DAB1: variants seen among roughly 807,000 people sequenced by gnomAD.
DAB1 encodes the protein disabled homolog 1.
Under a neutral mutation model 64.6 loss-of-function variants are expected in DAB1, and 15 were observed. That is an observed-to-expected ratio of 0.23 (90% CI 0.16 to 0.36). The LOEUF (loss-of-function observed/expected upper bound fraction) is 0.36. Among genes scored for constraint, DAB1 ranks in the 10% least tolerant of loss-of-function variants. DAB1 has a pLI of 1.00. For missense variants in DAB1, 596 were observed against 706.7 expected (o/e 0.84, Z 1.78); for synonymous variants, 235 against 251.9 (o/e 0.93, Z 0.64).
At chr1:57,422,590 C>A (rs890586312) in intron 1 of DAB1, among the ~76,000 whole-genome samples, 3 of 151,534 alleles carry the variant, frequency 2.0e-5, no homozygotes, top group African/African-American at 7.3e-5. Context: ...CCACTCCGCC[C>A]GCCGCCAAGA....
chr1:58,453,230 G>A (rs1238393236), intron 3 of DAB1, among the ~76,000 whole-genome samples: 2 of 152,134 alleles, frequency 1.3e-5, no homozygotes, highest in African/African-American at 2.4e-5. Flanking sequence ...AGGTGGGGGA[G>A]TGTGAAGCAC....
At chr1:57,542,678 G>GA (rs1262030395) in intron 7 of DAB1, among the ~76,000 whole-genome samples, 1 of 152,006 alleles carries the variant, frequency 6.6e-6, no homozygotes, top group Non-Finnish European at 1.5e-5. Context: ...AGGATGCTCA[G>GA]TTTTTCATTC....
At chr1:58,473,775 C>G (rs1217117592) in intron 3 of DAB1, 3 of 534,968 alleles carry the variant, frequency 5.6e-6, no homozygotes, top group East Asian at 6.8e-5. Context: ...ATCTCCAGAA[C>G]AGTCTGACCC....
At chr1:57,668,858 A>T (rs1421525055) in intron 6 of DAB1, among the ~76,000 whole-genome samples, 2 of 151,846 alleles carry the variant, frequency 1.3e-5, no homozygotes, top group African/African-American at 4.8e-5. Context: ...GGGTGTGAGA[A>T]CTCTATTATA....
At chr1:58,371,678 T>A (rs2100535436) in intron 3 of DAB1, among the ~76,000 whole-genome samples, 1 of 152,240 alleles carries the variant, frequency 6.6e-6, no homozygotes, top group East Asian at 1.9e-4. Flanking sequence ...GAAAAATGGT[T>A]TTGTGGGCTG....
At chr1:57,201,037 G>A (rs1178838114) in intron 2 of DAB1, among the ~76,000 whole-genome samples, 1 of 152,176 alleles carries the variant, frequency 6.6e-6, no homozygotes, top group Non-Finnish European at 1.5e-5. Context: ...CATTGGGCTT[G>A]ATGCATTACA....
intron 9 of DAB1, among the ~76,000 whole-genome samples, chr1:57,041,508 T>C (rs894440379): frequency 2.0e-5 from 3 of 152,224 alleles, no homozygotes; most frequent in Non-Finnish European, 4.4e-5. Context: ...ACCAACTTCA[T>C]GTGAATAGCC....
At chr1:57,492,377 G>A (rs1009281359) in intron 7 of DAB1, among the ~76,000 whole-genome samples, 1 of 152,132 alleles carries the variant, frequency 6.6e-6, no homozygotes, top group African/African-American at 2.4e-5. Flanking sequence ...GGATAATAAC[G>A]TCAGGATTTG....
chr1:57,695,385 AAAGAAAGAAAGAAAGAAAG>A (rs1646826771), intron 6 of DAB1, among the ~76,000 whole-genome samples: 1 of 74,228 alleles, frequency 1.3e-5, no homozygotes, highest in Admixed American at 1.4e-4. Context: ...AGAAAGAAAG[AAAGAAAGAAAGAAAGAAAG>A]AAAGAAAGAA....
At chr1:57,289,454 T>G (rs1334445447) in intron 2 of DAB1, among the ~76,000 whole-genome samples, 2 of 152,214 alleles carry the variant, frequency 1.3e-5, no homozygotes, top group African/African-American at 4.8e-5. Flanking sequence ...CCCACTTACT[T>G]TCTTTCTATT....
intron 7 of DAB1, among the ~76,000 whole-genome samples, chr1:57,437,782 C>T (rs888858740): frequency 3.1e-4 from 47 of 152,104 alleles, no homozygotes; most frequent in Admixed American, 1.2e-3. Flanking sequence ...ATTTTGGAAC[C>T]GTTATCACAT....
At chr1:57,959,131 C>T (rs1264685816) in intron 5 of DAB1, among the ~76,000 whole-genome samples, 1 of 152,184 alleles carries the variant, frequency 6.6e-6, no homozygotes, top group African/African-American at 2.4e-5. Flanking sequence ...CACTCCAGAG[C>T]AGTCTTTGAT....
chr1:58,389,257 C>T (rs985001659), intron 3 of DAB1, among the ~76,000 whole-genome samples: 2 of 152,150 alleles, frequency 1.3e-5, no homozygotes, highest in Non-Finnish European at 2.9e-5. Context: ...GGGCAACATA[C>T]AAAGACTCCA....
chr1:58,187,264 G>T (rs1657129020), intron 4 of DAB1, among the ~76,000 whole-genome samples: 2 of 149,430 alleles, frequency 1.3e-5, no homozygotes, highest in African/African-American at 2.5e-5. Flanking sequence ...TTCAAGTCCA[G>T]CCTGGACACC....
At chr1:58,372,411 G>C (rs943965383) in intron 3 of DAB1, among the ~76,000 whole-genome samples, 3 of 152,166 alleles carry the variant, frequency 2.0e-5, no homozygotes, top group East Asian at 1.9e-4. Context: ...TTGTATCTTG[G>C]GGGTATCTAA....
At chr1:58,193,286 T>C (rs1657489234) in intron 4 of DAB1, among the ~76,000 whole-genome samples, 1 of 152,188 alleles carries the variant, frequency 6.6e-6, no homozygotes, top group Admixed American at 6.5e-5. Context: ...CAGCACGTTC[T>C]GGCTCCCCTT....
chr1:57,625,903 AG>A (rs1294691502), intron 7 of DAB1, among the ~76,000 whole-genome samples: 1 of 152,268 alleles, frequency 6.6e-6, no homozygotes, highest in African/African-American at 2.4e-5. Context: ...AAAACAAAAA[AG>A]CTGGGTCGAA....
Position 57,014,993 on chromosome 1 carries a change from C to T in DAB1, c.1334G>A (p.Ser445Asn). The part of the protein sequence containing the change: ...SLTCTSEAFS[S>N]YFNKVGVAQD... ...TGCCACCCCGACTTTGTTGAAGTAA[C>T]TGGAGAAGGCCTCTGAGGTACAGGT... The change falls in exon 12 of 15, where the codon AGT (serine) becomes AAT (asparagine). Residue 445 changes from serine to asparagine, a missense_variant. Transcript: ENST00000371236. 6.2e-7 allele frequency: 1 copy of T among 1,614,118 alleles called. No homozygotes were observed. Among genetic ancestry groups the T allele is most frequent in the South Asian group, 1.1e-5 (1 of 91,080 alleles).
At position 58,492,743 on chromosome 1, in the gene DAB1, A is replaced by G. The variant is rs541937661; in HGVS notation, n.257+13317T>C. ...AGAAGTTGAATCTCTGAAGAGACCAATAACAGGATCTGAAATTGGGGCAAT... is the reference window on the plus strand; with the variant it reads ...AGAAGTTGAATCTCTGAAGAGACCAGTAACAGGATCTGAAATTGGGGCAAT... On this transcript the variant is annotated intron_variant and non_coding_transcript_variant, in intron 3 of 20. Transcript: ENST00000485760. 5.3e-5 allele frequency among the ~76,000 whole-genome samples: 8 copies of G among 152,314 alleles called. No homozygotes were observed. The South Asian group carries it at 1.7e-3, about 32-fold the overall frequency.
Sources: gnomAD v4.1 joint callset for allele counts (sites outside exome capture counted in the v4.1 genomes callset) on GRCh38, gnomAD v4.1.1 for gene constraint, MANE v1.5 for transcripts, NCBI Gene and HGNC (gene_info 2026-07-23, HGNC 2026-07-21) for gene names.